Variants in NCAPG2 observed in about 807,000 individuals in gnomAD.
NCAPG2 encodes the protein condensin-2 complex subunit G2.
NCAPG2 carries 53 observed loss-of-function variants against 141.1 expected under a neutral mutation model. The observed-to-expected ratio is 0.38, with a 90% CI of 0.30 to 0.47. The LOEUF is 0.47. NCAPG2 is among the 20% of genes least tolerant of loss of function. NCAPG2 has a pLI of 0.99. For missense variants in NCAPG2, 1,087 were observed against 1,389.0 expected, an observed-to-expected ratio of 0.78 and a Z score of 3.46; for synonymous variants, 499 against 490.7, an observed-to-expected ratio of 1.02 and a Z score of -0.22.
At chr7:158,646,144 A>G (rs1831000874) in intron 25 of NCAPG2, among the ~76,000 whole-genome samples, 1 of 152,218 alleles carries the variant, frequency 6.6e-6, no homozygotes, top group Non-Finnish European at 1.5e-5. Flanking sequence ...TTTTGAAAGC[A>G]CACTTGGTAA....
chr7:158,682,076 ATTC>A lies in NCAPG2; in HGVS notation c.924+1221_924+1223del, dbSNP rs572293667. Among the ~76,000 whole-genome samples, 1,277 of 152,278 alleles carry A rather than the reference ATTC, an allele frequency of 8.4e-3. 16 individuals are homozygous for A. Among genetic ancestry groups the A allele is most frequent in the African/African-American group, 0.029 (1,205 of 41,560 alleles). ...GTGAAATCTAATATTCTCCCTTTAA[ATTC>A]TTTTTGTGCATTTTTCCATAAATTT... On this transcript the variant is annotated intron_variant, in intron 9 of 27. Transcript: ENST00000356309.
intron 1 of NCAPG2, among the ~76,000 whole-genome samples, chr7:158,703,899 C>T (rs1212279168): frequency 2.6e-5 from 4 of 152,138 alleles, no homozygotes; most frequent in Admixed American, 2.6e-4. Flanking sequence ...AGGGCAGTGC[C>T]TACACCCAGG....
At chr7:158,669,815 A>AT (rs1324235923) in intron 13 of NCAPG2, among the ~76,000 whole-genome samples, 12 of 145,016 alleles carry the variant, frequency 8.3e-5, no homozygotes, top group Non-Finnish European at 1.8e-4. Context: ...CTTACTCTAC[A>AT]TTTTTTTAAG....
In NCAPG2 at chr7:158,631,588, AAAC is replaced by A; in HGVS notation, c.*75_*77del. Reference sequence around the variant, plus strand: ...CTATTATATGGGTTATTAACATTAAAAACAATAGGAAAATACACAGGCATTTCA... The same window carrying A: ...CTATTATATGGGTTATTAACATTAAAAATAGGAAAATACACAGGCATTTCA... On this transcript the variant is annotated 3_prime_UTR_variant, in exon 28 of 28. Transcript: ENST00000356309. 7.5e-7 allele frequency: 1 copy of A among 1,330,428 alleles called. No homozygotes were observed. Among genetic ancestry groups the A allele is most frequent in the South Asian group, 1.2e-5 (1 of 81,918 alleles). 82.4% of individuals were successfully genotyped at this position (1,330,428 alleles called of 1,614,324 possible). A position where few individuals can be genotyped will look rare whatever the true frequency, so the allele number is the denominator to read the frequency against.
rs966650346 is a variant in NCAPG2 at position 158,671,430 on chromosome 7, G to C, written c.1479+84C>G. ...ATCATATCAGTTATCAGTTTAAAAT[G>C]TGGAATTAAAACTACTTTCTTTCTG... On this transcript the variant is annotated intron_variant, in intron 13 of 27. Transcript: ENST00000356309. 1.8e-5 allele frequency: 27 copies of C among 1,487,252 alleles called. No homozygotes were observed. The African/African-American group carries it at 3.6e-4, about 20-fold the overall frequency. The allele number at this position is 1,487,252 out of a possible 1,614,324, so 92.1% of individuals were successfully genotyped here.
At chr7:158,637,242 T>C (rs537320234) in intron 27 of NCAPG2, among the ~76,000 whole-genome samples, 11 of 152,326 alleles carry the variant, frequency 7.2e-5, no homozygotes, top group African/African-American at 2.6e-4. Flanking sequence ...AAATATAAAG[T>C]TGCAAAGTCT....
At chr7:158,685,765 C>T (rs966774764) in intron 8 of NCAPG2, among the ~76,000 whole-genome samples, 2 of 152,208 alleles carry the variant, frequency 1.3e-5, no homozygotes, top group Non-Finnish European at 2.9e-5. Context: ...TACCACATTT[C>T]GCCTAATACA....
chr7:158,652,568 A>G, intron 22 of NCAPG2, 88 bp from the exon 23 acceptor site: 1 of 1,067,876 alleles, frequency 9.4e-7, no homozygotes, highest in Non-Finnish European at 1.3e-6. Flanking sequence ...CATGTATAAA[A>G]TGGTAACAAA....
At chr7:158,690,810 AT>A in intron 4 of NCAPG2, 88 bp from the exon 5 acceptor site, 1 of 1,239,778 alleles carries the variant, frequency 8.1e-7, no homozygotes. Flanking sequence ...GACTTTATAT[AT>A]TATTTAAAGC....
rs565114744 is a variant in NCAPG2, at chr7:158,674,272, G to A, written c.1326+1205C>T. ...CTGCTGAGAGGGAGAGGTTGAATAT[G>A]CACAGAAAAAAAAAAATTTTTTTTT... On this transcript the variant is annotated intron_variant, in intron 12 of 27. Transcript: ENST00000356309. Among the ~76,000 whole-genome samples the A allele has an allele frequency of 1.5e-3, 195 of 130,606 alleles. 4 individuals are homozygous for A. The Admixed American group carries it at 0.016, about 11-fold the overall frequency. 85.7% of individuals were successfully genotyped at this position (130,606 alleles called of 152,430 possible).
chr7:158,679,985 A>G lies in NCAPG2; in HGVS notation c.1121T>C (p.Ile374Thr), dbSNP rs1453841118. ...ATAGAGCTCTTCAAACTGTTTCTGGATTTCACTATCCATTTCAATAGCATG... is the reference window on the plus strand; with the variant it reads ...ATAGAGCTCTTCAAACTGTTTCTGGGTTTCACTATCCATTTCAATAGCATG... Reference protein sequence around the residue: ...NLHAIEMDSEIQKQFEELYSL... With the variant: ...NLHAIEMDSETQKQFEELYSL... Residue 374 changes from isoleucine to threonine, a missense_variant, in exon 11 of 28, where the codon ATC (isoleucine) becomes ACC (threonine). Coordinates refer to ENST00000356309, the MANE Select transcript of NCAPG2 (RefSeq NM_017760.7). 6.2e-7 allele frequency: 1 copy of G among 1,614,106 alleles called. No homozygotes were observed. The highest frequency in any genetic ancestry group is 8.5e-7 in the Non-Finnish European group (1 of 1,179,986).
Position 158,675,621 on chromosome 7 carries a change from G to T in NCAPG2, c.1182C>A (p.Ser394=). 17 of 1,613,270 alleles carry T rather than the reference G, an allele frequency of 1.1e-5. No homozygotes were observed. The highest frequency in any genetic ancestry group is 1.4e-5 in the Non-Finnish European group (17 of 1,179,848). ...LLEDPYPMVR[S]TGILGVCKIT... is the part of the protein sequence containing the mutation. ...TTTTACAAACACCAAGGATCCCTGT[G>T]GAACGGACCATCGGGTAAGGATCTT... The change falls in exon 12 of 28, where the codon TCC becomes TCA. Residue 394 remains serine, a synonymous_variant. Transcript: ENST00000356309.
intron 13 of NCAPG2, among the ~76,000 whole-genome samples, chr7:158,668,660 G>A (rs1265883669): frequency 6.6e-6 from 1 of 152,164 alleles, no homozygotes; most frequent in African/African-American, 2.4e-5. Flanking sequence ...TTTTATATAT[G>A]TTTGAAAATT....
rs763194681 is a variant in NCAPG2, at chr7:158,683,393, T to C, written c.838-7A>G. ...TGCAATCATTTTCAATCGCCTGAAATAACAAATGCAATGCAAAGCACTTGG... is the reference window on the plus strand; with the variant it reads ...TGCAATCATTTTCAATCGCCTGAAACAACAAATGCAATGCAAAGCACTTGG... On this transcript the variant is annotated splice_polypyrimidine_tract_variant and splice_region_variant and intron_variant, in intron 8 of 27. Transcript: ENST00000356309. 15 of 1,597,304 alleles carry C rather than the reference T, an allele frequency of 9.4e-6. No homozygotes were observed. Among genetic ancestry groups the C allele is most frequent in the Middle Eastern group, 1.7e-4 (1 of 6,002 alleles).
chr7:158,698,743 C>T (rs1004216171), intron 2 of NCAPG2, among the ~76,000 whole-genome samples: 1 of 152,002 alleles, frequency 6.6e-6, no homozygotes, highest in African/African-American at 2.4e-5. Flanking sequence ...GCCACTCCAT[C>T]GTTCCCAACT....
chr7:158,692,737 G>A lies in NCAPG2; in HGVS notation c.382+105C>T, dbSNP rs192088451. 94 of 858,166 alleles carry A rather than the reference G, an allele frequency of 1.1e-4. 1 individual carries two copies. The highest frequency in any genetic ancestry group is 7.3e-5 in the Admixed American group (3 of 41,204). 53.2% of individuals were successfully genotyped at this position (858,166 alleles called of 1,614,324 possible). ...GCCTAGGCAACAAGAGCGAAACTCC[G>A]TCTCAAAAAAAATAAATAAATGAAT... On this transcript the variant is annotated intron_variant, in intron 4 of 27. Coordinates refer to ENST00000356309, the MANE Select transcript of NCAPG2 (RefSeq NM_017760.7).
intron 22 of NCAPG2, among the ~76,000 whole-genome samples, chr7:158,653,733 G>A (rs1266732544): frequency 6.6e-6 from 1 of 152,222 alleles, no homozygotes; most frequent in Non-Finnish European, 1.5e-5. Context: ...TTTACTAAAT[G>A]TTATCATTTT....
chr7:158,690,360 C>T (rs143456684), intron 5 of NCAPG2, among the ~76,000 whole-genome samples: 112 of 152,232 alleles, frequency 7.4e-4, no homozygotes, highest in African/African-American at 2.6e-3. Flanking sequence ...CGTTGAATAG[C>T]GCAGGTTTAG....
intron 13 of NCAPG2, chr7:158,667,192 A>T (rs1189663663): frequency 1.0e-6 from 1 of 985,330 alleles, no homozygotes; most frequent in Non-Finnish European, 1.2e-6. Context: ...AAAGATAAGG[A>T]CTGAAACGCA....
Sources: gnomAD v4.1 joint callset for allele counts (sites outside exome capture counted in the v4.1 genomes callset) on GRCh38, gnomAD v4.1.1 for gene constraint, MANE v1.5 for transcripts, NCBI Gene and HGNC (gene_info 2026-07-23, HGNC 2026-07-21) for gene names.